The following AFF2 variants were observed in gnomAD, a reference collection of about 807,000 sequenced individuals.
The protein encoded by AFF2 is ALF transcription elongation factor 2.
A neutral mutation model predicts 76.9 loss-of-function variants in AFF2; 14 were observed. That is an observed-to-expected ratio of 0.18 (90% CI 0.12 to 0.28). The LOEUF (loss-of-function observed/expected upper bound fraction) is 0.28, where lower values mean the gene tolerates loss of function less well. AFF2 is among the 10% of genes least tolerant of loss of function. AFF2 has a pLI of 1.00. For synonymous variants in AFF2, 398 were observed against 366.7 expected (o/e 1.09, Z -0.98); for missense variants, 868 against 1,001.1 (o/e 0.87, Z 1.79).
intron 3 of AFF2, among the ~76,000 whole-genome samples, chrX:148,666,378 A>C (rs1249196171): frequency 9.0e-6 from 1 of 110,830 alleles, no homozygotes; most frequent in Non-Finnish European, 1.9e-5. Context: ...TGAAGTCAAG[A>C]GATCTAGACC....
chrX:148,521,050 A>G (rs782337450), intron 1 of AFF2, among the ~76,000 whole-genome samples: 1 of 112,010 alleles, frequency 8.9e-6, no homozygotes, highest in South Asian at 3.7e-4. Context: ...TTATCAGTGC[A>G]TGGCCTACTA....
Position 148,800,447 on chromosome X carries a change from T to A in AFF2, c.1042-9429T>A, listed in dbSNP as rs1468843259. Among the ~76,000 whole-genome samples, 5 of 112,362 alleles carry A rather than the reference T, an allele frequency of 4.4e-5. 1 individual carries two copies. Among genetic ancestry groups the A allele is most frequent in the Admixed American group, 2.8e-4 (3 of 10,569 alleles). ...AGAGGAATTTAGTTAAAGGAAAAAC[T>A]GATATCTGAGTTTTTGGTTTTCAAA... On this transcript the variant is annotated intron_variant, in intron 3 of 20. Transcript: ENST00000370460.
intron 9 of AFF2, among the ~76,000 whole-genome samples, chrX:148,932,929 T>A (rs1412670285): frequency 8.9e-6 from 1 of 111,969 alleles, no homozygotes. Flanking sequence ...GCTAGTGGAG[T>A]TTATATTCTC....
intron 9 of AFF2, among the ~76,000 whole-genome samples, chrX:148,935,872 GT>G (rs200974378): frequency 7.0e-5 from 7 of 99,696 alleles, no homozygotes; most frequent in African/African-American, 2.5e-4. Context: ...TATACTTTAG[GT>G]TTTTTTTTTT....
chrX:148,690,271 A>C (rs1557260653), intron 3 of AFF2, among the ~76,000 whole-genome samples: 1 of 112,463 alleles, frequency 8.9e-6, no homozygotes, highest in East Asian at 2.8e-4. Flanking sequence ...CAGAATGTGT[A>C]ATCATTTTAT....
intron 3 of AFF2, among the ~76,000 whole-genome samples, chrX:148,770,981 T>C (rs782360705): frequency 8.9e-6 from 1 of 112,026 alleles, no homozygotes; most frequent in East Asian, 2.8e-4. Flanking sequence ...TGTACAAATG[T>C]TGTGATTCAT....
chrX:148,897,015 A>T (rs2071292508), intron 8 of AFF2, among the ~76,000 whole-genome samples: 1 of 104,379 alleles, frequency 9.6e-6, no homozygotes, highest in South Asian at 4.4e-4. Context: ...TTGTATCCAC[A>T]TTTATCTTCC....
Position 148,996,243 on chromosome X carries a change from G to C in AFF2, c.*4911G>C, listed in dbSNP as rs1351546158. ...ACTCCAACGAGGCTAAGTTAATGCC[G>C]TGTTGCCCAGAACAAGATCTAGCTT... is the stretch of plus-strand genomic sequence containing the variant. On this transcript the variant is annotated 3_prime_UTR_variant, in exon 21 of 21. Coordinates refer to ENST00000370460, the MANE Select transcript of AFF2 (RefSeq NM_002025.4). The C allele has an allele frequency of 8.9e-6, 1 of 112,690 alleles. No homozygotes were observed. The highest frequency in any genetic ancestry group is 2.8e-4 in the East Asian group (1 of 3,560). The allele number at this position is 112,690 out of a possible 1,213,427, so 9.3% of individuals were successfully genotyped here.
chrX:148,845,833 AGT>A (rs782535298), intron 7 of AFF2, among the ~76,000 whole-genome samples: 21 of 111,714 alleles, frequency 1.9e-4, no homozygotes, highest in Non-Finnish European at 4.0e-4. Context: ...AAGGCCAGAA[AGT>A]GTCCCAAGCA....
At chrX:148,503,862 C>A (rs980340305) in intron 1 of AFF2, among the ~76,000 whole-genome samples, 1 of 111,373 alleles carries the variant, frequency 9.0e-6, no homozygotes, top group East Asian at 2.8e-4. Flanking sequence ...GGGTCATGCT[C>A]TGGACTCGAT....
At chrX:148,683,083 TTG>T (rs1487538647) in intron 3 of AFF2, among the ~76,000 whole-genome samples, 1 of 111,327 alleles carries the variant, frequency 9.0e-6, no homozygotes, top group Non-Finnish European at 1.9e-5. Flanking sequence ...AGCTGATGAG[TTG>T]TGTGGTCTTG....
At chrX:148,525,806 A>T (rs1183596204) in intron 1 of AFF2, among the ~76,000 whole-genome samples, 5 of 111,956 alleles carry the variant, frequency 4.5e-5, no homozygotes, top group Admixed American at 9.5e-5. Context: ...ACAACATTTG[A>T]TTTCATGTAT....
chrX:148,887,706 T>C lies in AFF2; in HGVS notation c.1359+1721T>C. Among the ~76,000 whole-genome samples, 3 of 111,766 alleles carry C rather than the reference T, an allele frequency of 2.7e-5. 1 individual carries two copies. The Admixed American group carries it at 2.8e-4, about 11-fold the overall frequency. On this transcript the variant is annotated intron_variant, in intron 8 of 20. Coordinates refer to ENST00000370460, the MANE Select transcript of AFF2 (RefSeq NM_002025.4). ...TATGACATGTTGCCGCTAGTCATGA[T>C]GTCTTCCTCAAAAAGGCTTAGGTTC... is the stretch of plus-strand genomic sequence containing the variant.
intron 16 of AFF2, among the ~76,000 whole-genome samples, chrX:148,975,744 A>T (rs1406445987): frequency 9.4e-6 from 1 of 105,881 alleles, no homozygotes; most frequent in East Asian, 3.0e-4. Context: ...GGAGATCGAG[A>T]CCATCCCAGC....
intron 7 of AFF2, among the ~76,000 whole-genome samples, chrX:148,878,615 G>A (rs998955594): frequency 5.4e-5 from 6 of 111,472 alleles, no homozygotes; most frequent in African/African-American, 1.3e-4. Context: ...GACTTGTACC[G>A]CCCTACCAAA....
At chrX:148,807,926 C>T (rs1557271476) in intron 3 of AFF2, among the ~76,000 whole-genome samples, 1 of 112,225 alleles carries the variant, frequency 8.9e-6, no homozygotes, top group Non-Finnish European at 1.9e-5. Context: ...ATTCTGCAAA[C>T]ATTCATTGTG....
intron 14 of AFF2, 89 bp from the exon 15 acceptor site, chrX:148,967,540 A>G: frequency 1.1e-6 from 1 of 888,395 alleles, no homozygotes; most frequent in Middle Eastern, 3.2e-4. Context: ...ATATGGGAAT[A>G]AATTTATAGC....
intron 1 of AFF2, among the ~76,000 whole-genome samples, chrX:148,584,557 A>ATTTT (rs3040766): frequency 3.7e-4 from 35 of 94,768 alleles, no homozygotes; most frequent in African/African-American, 1.1e-3. Flanking sequence ...AAATGAAATG[A>ATTTT]TTTTTTTTTT....
At chrX:148,586,923 TTCC>T (rs2053475080) in intron 1 of AFF2, among the ~76,000 whole-genome samples, 1 of 110,669 alleles carries the variant, frequency 9.0e-6, no homozygotes, top group African/African-American at 3.3e-5. Context: ...CCTTTTTGGC[TTCC>T]TCCTCCTCTT....
Sources: gnomAD v4.1 joint callset for allele counts (sites outside exome capture counted in the v4.1 genomes callset) on GRCh38, gnomAD v4.1.1 for gene constraint, MANE v1.5 for transcripts, NCBI Gene and HGNC (gene_info 2026-07-23, HGNC 2026-07-21) for gene names.